OPN3: variants seen among roughly 807,000 people sequenced by gnomAD.
The protein encoded by OPN3 is opsin-3.
In OPN3, 29 loss-of-function variants were observed where a neutral mutation model predicts 33.8. The ratio of observed to expected loss-of-function variants is 0.86; its 90% confidence interval spans 0.64 to 1.17. The LOEUF (loss-of-function observed/expected upper bound fraction) is 1.17, where lower values mean the gene tolerates loss of function less well. OPN3 is among the 50% of genes most tolerant of loss of function. The pLI is 0.00. For missense variants in OPN3, 437 were observed against 514.1 expected (o/e 0.85, Z 1.45); for synonymous variants, 216 against 216.1 (o/e 1.00, Z 0.00).
intron 3 of OPN3, among the ~76,000 whole-genome samples, chr1:241,597,022 C>T (rs903949717): frequency 3.3e-5 from 5 of 151,764 alleles, no homozygotes; most frequent in Non-Finnish European, 7.4e-5. Flanking sequence ...GAGAGCGGGG[C>T]ATCTCATTAT....
At chr1:241,617,616 G>A (rs1427782514) in intron 1 of OPN3, among the ~76,000 whole-genome samples, 1 of 152,208 alleles carries the variant, frequency 6.6e-6, no homozygotes, top group Non-Finnish European at 1.5e-5. Context: ...CCCTGCTGCT[G>A]ATGCAAATGG....
intron 1 of OPN3, chr1:241,629,059 T>C (rs775819168): frequency 5.2e-5 from 8 of 152,640 alleles, no homozygotes; most frequent in Admixed American, 1.3e-4. Context: ...TGCATACAAT[T>C]TGACATATAT....
intron 2 of OPN3, among the ~76,000 whole-genome samples, chr1:241,603,993 T>C (rs1663751305): frequency 1.3e-5 from 2 of 152,000 alleles, no homozygotes; most frequent in African/African-American, 4.8e-5. Context: ...TAATGTAGGG[T>C]TTTTTGGTTG....
At chr1:241,639,778 G>A in intron 1 of OPN3, 104 bp downstream of exon 1, 2 of 1,137,266 alleles carry the variant, frequency 1.8e-6, no homozygotes, top group Non-Finnish European at 2.3e-6. Context: ...GGGCCGAGCG[G>A]GAAGCGGTGC....
rs1239211650 is a variant in OPN3 at position 241,612,225 on chromosome 1, ACTGTAAATAC to A, written c.374-7656_374-7647del. On this transcript the variant is annotated intron_variant, in intron 1 of 3. Transcript: ENST00000366554. ...AATTCTCTACCTATAAAATGGGGCA[ACTGTAAATAC>A]CTGTCTTGTGGTCTTCAGAGTTGGC... Among the ~76,000 whole-genome samples the A allele has an allele frequency of 3.3e-5, 5 of 152,182 alleles. No individual in the cohort carries two copies. The East Asian group carries it at 9.6e-4, about 29-fold the overall frequency.
intron 1 of OPN3, among the ~76,000 whole-genome samples, chr1:241,628,566 T>A (rs891914905): frequency 3.3e-5 from 5 of 152,196 alleles, no homozygotes; most frequent in Non-Finnish European, 7.3e-5. Flanking sequence ...CCAAGTGACA[T>A]GTTTGCATTT....
chr1:241,634,414 A>G, intron 1 of OPN3: 1 of 1,613,852 alleles, frequency 6.2e-7, no homozygotes, highest in African/African-American at 1.3e-5. Flanking sequence ...AGATCTGCTT[A>G]TACTGCACAT....
In OPN3 at chr1:241,604,392, G is replaced by C. The variant is rs1217909751; in HGVS notation, c.561C>G (p.Gly187=). 6.2e-7 allele frequency: 1 copy of C among 1,614,096 alleles called. No homozygotes were observed. Among genetic ancestry groups the C allele is most frequent in the Non-Finnish European group, 8.5e-7 (1 of 1,180,058 alleles). ...NRYILDVHGL[G]CTVDWKSKDA... ...CCTTGGATTTCCAGTCCACAGTGCA[G>C]CCTAGTCCGTGTACGTCCAGGATGT... The change falls in exon 2 of 4, where the codon GGC becomes GGG. Residue 187 remains glycine, a synonymous_variant. Transcript: ENST00000366554.
intron 2 of OPN3, among the ~76,000 whole-genome samples, chr1:241,603,182 G>A (rs919792868): frequency 6.6e-6 from 1 of 152,080 alleles, no homozygotes; most frequent in Admixed American, 6.5e-5. Flanking sequence ...GTTGGTCCTG[G>A]GAGACCTCTC....
chr1:241,601,153 G>GC (rs1304900751), intron 2 of OPN3: 1 of 152,128 alleles, frequency 6.6e-6, no homozygotes, highest in East Asian at 1.9e-4. Context: ...TCATGAGGTG[G>GC]CAAGAAGACA....
intron 1 of OPN3, 134 bp from the exon 2 acceptor site, chr1:241,604,713 A>C: frequency 1.3e-6 from 1 of 753,044 alleles, no homozygotes; most frequent in South Asian, 1.9e-5. Context: ...GCCAAGAGTA[A>C]TAGTGTCTAT....
intron 1 of OPN3, among the ~76,000 whole-genome samples, chr1:241,625,830 C>T (rs1017039462): frequency 2.6e-5 from 4 of 152,110 alleles, no homozygotes; most frequent in Admixed American, 2.0e-4. Context: ...TGGCGCTTAT[C>T]GATATTTGGG....
chr1:241,614,887 CTT>C (rs10557227), intron 1 of OPN3, among the ~76,000 whole-genome samples: 31,246 of 150,488 alleles, frequency 0.21, 3,701 homozygotes, highest in Non-Finnish European at 0.27. Context: ...TTTGACAAAG[CTT>C]TAGGCGTTTG....
chr1:241,619,280 A>C (rs888540795), intron 1 of OPN3, among the ~76,000 whole-genome samples: 3 of 152,176 alleles, frequency 2.0e-5, no homozygotes, highest in Admixed American at 2.0e-4. Flanking sequence ...TTAACATTTC[A>C]CAAAACAGTA....
intron 2 of OPN3, among the ~76,000 whole-genome samples, chr1:241,603,659 C>T (rs532318143): frequency 3.6e-4 from 55 of 152,166 alleles, no homozygotes; most frequent in African/African-American, 4.8e-4. Context: ...AAGGGTTTGA[C>T]GGAGTGAGCA....
chr1:241,596,779 A>G (rs1663530040), intron 3 of OPN3, among the ~76,000 whole-genome samples: 1 of 152,190 alleles, frequency 6.6e-6, no homozygotes, highest in Admixed American at 6.5e-5. Context: ...GCCATGACTC[A>G]TAGCCATCAA....
At chr1:241,625,238 C>T (rs1664383731) in intron 1 of OPN3, among the ~76,000 whole-genome samples, 1 of 152,304 alleles carries the variant, frequency 6.6e-6, no homozygotes, top group African/African-American at 2.4e-5. Context: ...TATCTCATTG[C>T]TTGGTGAACC....
intron 1 of OPN3, among the ~76,000 whole-genome samples, chr1:241,609,378 A>T (rs967426726): frequency 1.2e-4 from 18 of 152,122 alleles, no homozygotes; most frequent in Admixed American, 1.1e-3. Context: ...CTTACTCCAA[A>T]TCCTGTGATT....
intron 1 of OPN3, among the ~76,000 whole-genome samples, chr1:241,617,184 A>G (rs1329882889): frequency 2.6e-5 from 4 of 152,242 alleles, no homozygotes; most frequent in Admixed American, 6.5e-5. Flanking sequence ...GCCTAAGGTC[A>G]CAAGACTAGG....
Sources: allele counts gnomAD v4.1 joint callset (sites outside exome capture counted in the v4.1 genomes callset), GRCh38; gene constraint gnomAD v4.1.1; transcripts MANE v1.5; gene names NCBI Gene and HGNC (gene_info 2026-07-23, HGNC 2026-07-21).